SENP3: variants seen among roughly 807,000 people sequenced by gnomAD.
The protein encoded by SENP3 is SUMO specific peptidase 3, also known as sentrin-specific protease 3.
SENP3 carries 11 observed loss-of-function variants against 66.2 expected under a neutral mutation model. The ratio of observed to expected loss-of-function variants is 0.17; its 90% CI spans 0.10 to 0.28. SENP3 has a LOEUF of 0.28. Ranked by LOEUF, SENP3 falls within the 10% of genes least tolerant of loss-of-function variation. The probability of loss-of-function intolerance (pLI) is 1.00; values close to 1 mark genes in which losing one functional copy is unlikely to be tolerated. For missense variants in SENP3, 548 were observed against 743.7 expected (o/e 0.74, Z 3.06); for synonymous variants, 292 against 277.6 (o/e 1.05, Z -0.52).
rs945011000 is a variant in SENP3, at chr17:7,570,189, C to G, written c.1342-167C>G. Reference sequence around the variant, plus strand: ...ATTGTCTGACCTTCCTCCCTTACCCCGAAGAACCGAAACATGCAGATCCTG... The same window carrying G: ...ATTGTCTGACCTTCCTCCCTTACCCGGAAGAACCGAAACATGCAGATCCTG... On this transcript the variant is annotated intron_variant, in intron 7 of 10. Transcript: ENST00000321337. This position sits in a 1 kb window ranked among gnomAD's most constrained non-coding sequence, Gnocchi z 5.4. Among the ~76,000 whole-genome samples, 2 of 152,160 alleles carry G rather than the reference C, an allele frequency of 1.3e-5. No homozygotes were observed. Among genetic ancestry groups the G allele is most frequent in the African/African-American group, 4.8e-5 (2 of 41,420 alleles).
chr17:7,571,259 A>G, intron 10 of SENP3, 114 bp from the exon 11 acceptor site: 1 of 761,580 alleles, frequency 1.3e-6, no homozygotes, highest in Non-Finnish European at 2.2e-6. Flanking sequence ...AGGCTGTGGG[A>G]CCCTGGCTCC....
chr17:7,571,307 A>G, intron 10 of SENP3, 66 bp from the exon 11 acceptor site: 2 of 1,195,512 alleles, frequency 1.7e-6, no homozygotes, highest in South Asian at 2.5e-5. Context: ...GACACATCTC[A>G]TATGAAATGT....
At chr17:7,569,935 GT>G (rs1022979307) in intron 7 of SENP3, among the ~76,000 whole-genome samples, 5 of 152,198 alleles carry the variant, frequency 3.3e-5, no homozygotes, top group African/African-American at 1.2e-4. Context: ...TGGATGAGGT[GT>G]AGGTACTACT....
chr17:7,563,813 G>T, intron 2 of SENP3, 22 bp downstream of exon 2: 1 of 1,541,714 alleles, frequency 6.5e-7, no homozygotes, highest in South Asian at 1.2e-5. Context: ...AAGGGGTGTG[G>T]GGTTGCGGGG....
At chr17:7,566,041 AAAAG>A (rs1567729119) in intron 6 of SENP3, 2 of 296,098 alleles carry the variant, frequency 6.8e-6, no homozygotes, top group Non-Finnish European at 6.0e-6. Context: ...TTTAAAAAAA[AAAAG>A]AAAAAGAAAA....
rs113468868 is a variant in SENP3 at position 7,567,127 on chromosome 17, T to C, written c.1341+123T>C. 1,478 of 746,618 alleles carry C rather than the reference T, an allele frequency of 2.0e-3. 3 individuals carry two copies. The highest frequency in any genetic ancestry group is 2.4e-3 in the Non-Finnish European group (993 of 420,102). 46.2% of individuals were successfully genotyped at this position (746,618 alleles called of 1,614,324 possible). Reference sequence around the variant, plus strand: ...TCTTTCAAAGATTAAACGTCTCTTGTGTGTGTAGGCACTAAGGATACAGTG... The same window carrying C: ...TCTTTCAAAGATTAAACGTCTCTTGCGTGTGTAGGCACTAAGGATACAGTG... On this transcript the variant is annotated intron_variant, in intron 7 of 10. Transcript: ENST00000321337.
Position 7,563,400 on chromosome 17 carries a change from C to A in SENP3, c.324C>A (p.Ser108=). ...CAAGATGGAGTCAGCTGGGAACCTC[C>A]CAGCGGCCCCGCCCTTCCCGCCCCA... The part of the protein sequence containing the change: ...LPPRWSQLGT[S]QRPRPSRPTH... The change falls in exon 2 of 11, where the codon TCC becomes TCA. Residue 108 remains serine, a synonymous_variant. Coordinates refer to ENST00000321337, the MANE Select transcript of SENP3 (RefSeq NM_015670.6). 1 of 1,550,934 alleles carries A rather than the reference C, an allele frequency of 6.4e-7. No individual in the cohort carries two copies. The highest frequency in any genetic ancestry group is 1.2e-5 in the South Asian group (1 of 84,052).
rs1447953645 is a variant in SENP3, at chr17:7,571,531, G to A, written c.*48G>A. 8.1e-6 allele frequency: 11 copies of A among 1,360,578 alleles called. No individual in the cohort carries two copies. The highest frequency in any genetic ancestry group is 3.7e-4 in the Middle Eastern group (2 of 5,370). The allele number at this position is 1,360,578 out of a possible 1,614,324, so 84.3% of individuals were successfully genotyped here. Reference sequence around the variant, plus strand: ...CCCATAAATGGGAAGGGAGACATGGGAGTCCCTTCCCAAGAAACTCCAGTT... The same window carrying A: ...CCCATAAATGGGAAGGGAGACATGGAAGTCCCTTCCCAAGAAACTCCAGTT... On this transcript the variant is annotated 3_prime_UTR_variant, in exon 11 of 11. Coordinates refer to ENST00000321337, the MANE Select transcript of SENP3 (RefSeq NM_015670.6).
In SENP3 at chr17:7,570,769, GT is replaced by G; in HGVS notation, c.1563+8del. 1 of 1,610,008 alleles carries G rather than the reference GT, an allele frequency of 6.2e-7. No homozygotes were observed. The highest frequency in any genetic ancestry group is 1.3e-5 in the African/African-American group (1 of 75,004). On this transcript the variant is annotated splice_donor_region_variant and intron_variant, in intron 9 of 10. Coordinates refer to ENST00000321337, the MANE Select transcript of SENP3 (RefSeq NM_015670.6). The surrounding 1 kb of genome is among the most constrained non-coding windows in gnomAD (Gnocchi z 5.4). ...TGGAAAGGTTACTTCAAAATGGTGA[GT>G]TTCCTGAGGGAGGGGTATAGGGTGT...
Position 7,563,354 on chromosome 17 carries a change from T to G in SENP3, c.278T>G (p.Val93Gly), listed in dbSNP as rs1425456113. 2.6e-6 allele frequency: 4 copies of G among 1,551,710 alleles called. No homozygotes were observed. In the South Asian group the frequency reaches 3.6e-5, roughly 14 times the overall value. ...GAGGATGAAGATGAAGAGGAGGAAGTGGCAGCTTGGAGGCTGCCCCCAAGA... is the reference window on the plus strand; with the variant it reads ...GAGGATGAAGATGAAGAGGAGGAAGGGGCAGCTTGGAGGCTGCCCCCAAGA... ...EEEDEDEEEE[V>G]AAWRLPPRWS... Residue 93 changes from valine (V) to glycine (G), a missense_variant, in exon 2 of 11, where the codon GTG (valine) becomes GGG (glycine). Physicochemically the swap from Val to Gly is moderately radical, Grantham distance 109 (BLOSUM62 -3). This residue lies in a region of SENP3 where 164 missense variants were observed against 167.9 expected (regional missense o/e 0.98). Coordinates refer to ENST00000321337, the MANE Select transcript of SENP3 (RefSeq NM_015670.6).
Position 7,571,042 on chromosome 17 carries a change from G to A in SENP3, c.1614+109G>A, listed in dbSNP as rs2071309531. Reference sequence around the variant, plus strand: ...TGGCTCATAGTCAGTTGTGGAGCAGGAAGTAATCTGTTTTAGAACACCAAA... The same window carrying A: ...TGGCTCATAGTCAGTTGTGGAGCAGAAAGTAATCTGTTTTAGAACACCAAA... On this transcript the variant is annotated intron_variant, in intron 10 of 10. Transcript: ENST00000321337. 5.2e-6 allele frequency: 5 copies of A among 954,446 alleles called. No individual in the cohort carries two copies. In the South Asian group the frequency reaches 8.0e-5, roughly 15 times the overall value. 59.1% of individuals were successfully genotyped at this position (954,446 alleles called of 1,614,324 possible).
intron 10 of SENP3, 85 bp downstream of exon 10, chr17:7,571,018 G>A: frequency 8.3e-7 from 1 of 1,205,434 alleles, no homozygotes; most frequent in Non-Finnish European, 1.2e-6. Flanking sequence ...CCCCTCATTT[G>A]GCTCATAGTC....
At chr17:7,565,912 C>G (rs11078697) in intron 6 of SENP3, 148 bp downstream of exon 6, 5 of 666,362 alleles carry the variant, frequency 7.5e-6, no homozygotes, top group Non-Finnish European at 7.7e-6. Flanking sequence ...ATTTCAAATC[C>G]GTAATCTTGG....
Position 7,571,417 on chromosome 17 carries a change from GCAGGACATGCCCAAA to G in SENP3, c.1661_1675del (p.Gln554_Lys558del). 3 of 1,603,222 alleles carry G rather than the reference GCAGGACATGCCCAAA, an allele frequency of 1.9e-6. No individual in the cohort carries two copies. Among genetic ancestry groups the G allele is most frequent in the Admixed American group, 1.7e-5 (1 of 58,528 alleles). On this transcript the variant is annotated inframe_deletion, in exon 11 of 11. Transcript: ENST00000321337. ...TGTCTCAGCCATTCAGCTTCACCCA[GCAGGACATGCCCAAA>G]CTTCGTCGGCAGATCTACAAGGAGC...
At chr17:7,565,396 C>T (rs752439192) in intron 4 of SENP3, 44 bp from the exon 5 acceptor site, 8 of 1,606,332 alleles carry the variant, frequency 5.0e-6, no homozygotes, top group African/African-American at 1.3e-5. Context: ...CTGTGTGCCC[C>T]AGCTGCATCA....
rs537867881 is a variant in SENP3 at position 7,561,966 on chromosome 17, C to T, written c.-309C>T. The T allele has an allele frequency of 9.5e-3, 3,709 of 392,038 alleles. 22 individuals carry two copies. Among genetic ancestry groups the T allele is most frequent in the Non-Finnish European group, 0.013 (2,900 of 222,052 alleles). The allele number at this position is 392,038 out of a possible 1,614,324, so 24.3% of individuals were successfully genotyped here. A position where few individuals can be genotyped will look rare whatever the true frequency, so the allele number is the denominator to read the frequency against. ...CCGCTGCCGGTGGGCCCGGGGCTCG[C>T]GGGAGGGGAAGGAGGAGGGGGGGAG... is the stretch of plus-strand genomic sequence containing the variant. On this transcript the variant is annotated 5_prime_UTR_variant, in exon 1 of 11. Transcript: ENST00000321337. The surrounding 1 kb of genome is among the most constrained non-coding windows in gnomAD (Gnocchi z 4.4).
At chr17:7,569,969 G>A (rs998422459) in intron 7 of SENP3, among the ~76,000 whole-genome samples, 3 of 152,188 alleles carry the variant, frequency 2.0e-5, no homozygotes, top group Admixed American at 2.0e-4. Context: ...TGACAGATAA[G>A]GAAACTGAGG....
chr17:7,562,123 G>A lies in SENP3; in HGVS notation c.-152G>A, dbSNP rs1298964757. 3 of 398,850 alleles carry A rather than the reference G, an allele frequency of 7.5e-6. No individual in the cohort carries two copies. The highest frequency in any genetic ancestry group is 1.3e-5 in the Non-Finnish European group (3 of 226,328). The allele number at this position is 398,850 out of a possible 1,614,324, so 24.7% of individuals were successfully genotyped here. ...GCGGCGCGGCACGCGGCCCAGAAGC[G>A]TTGGAATCCTGAATTGAGACGGCTG... On this transcript the variant is annotated 5_prime_UTR_variant, in exon 1 of 11. Transcript: ENST00000321337. This position sits in a 1 kb window ranked among gnomAD's most constrained non-coding sequence, Gnocchi z 5.0.
rs1395498101 is a variant in SENP3 at position 7,561,955 on chromosome 17, C to G, written c.-320C>G. On this transcript the variant is annotated 5_prime_UTR_variant, in exon 1 of 11. Coordinates refer to ENST00000321337, the MANE Select transcript of SENP3 (RefSeq NM_015670.6). The surrounding 1 kb of genome is among the most constrained non-coding windows in gnomAD (Gnocchi z 4.4). Reference sequence around the variant, plus strand: ...ATCGTGCGCCACCGCTGCCGGTGGGCCCGGGGCTCGCGGGAGGGGAAGGAG... The same window carrying G: ...ATCGTGCGCCACCGCTGCCGGTGGGGCCGGGGCTCGCGGGAGGGGAAGGAG... The G allele has an allele frequency of 5.1e-6, 2 of 392,636 alleles. No individual in the cohort carries two copies. Among genetic ancestry groups the G allele is most frequent in the Admixed American group, 4.5e-5 (1 of 22,448 alleles). The allele number at this position is 392,636 out of a possible 1,614,324, so 24.3% of individuals were successfully genotyped here. A position where few individuals can be genotyped will look rare whatever the true frequency, so the allele number is the denominator to read the frequency against.
Sources: gnomAD v4.1 joint callset for allele counts (sites outside exome capture counted in the v4.1 genomes callset) on GRCh38, gnomAD v4.1.1 for gene constraint, gnomAD v4.1.1 regional missense constraint, Gnocchi (gnomAD v3.1) non-coding constraint, MANE v1.5 for transcripts, NCBI Gene and HGNC (gene_info 2026-07-23, HGNC 2026-07-21) for gene names.